VPS45: variants seen among roughly 807,000 people sequenced by gnomAD.
VPS45 encodes vacuolar protein sorting 45 homolog.
VPS45 carries 35 observed loss-of-function variants against 75.9 expected under a neutral mutation model. The ratio of observed to expected loss-of-function variants is 0.46; its 90% CI spans 0.35 to 0.61. VPS45 has a LOEUF of 0.61. VPS45 is among the 20% of genes least tolerant of loss of function. VPS45 has a pLI of 0.00. For missense variants in VPS45, 559 were observed against 685.9 expected (o/e 0.81, Z 2.07); for synonymous variants, 220 against 238.2 (o/e 0.92, Z 0.70).
intron 13 of VPS45, chr1:150,099,212 A>G (rs1461591204): frequency 2.7e-6 from 1 of 373,254 alleles, no homozygotes; most frequent in Non-Finnish European, 3.7e-6. Context: ...AAAATTCTCA[A>G]TAAGGTGGGC....
chr1:150,072,586 G>C (rs1374643571), intron 3 of VPS45, among the ~76,000 whole-genome samples: 2 of 150,980 alleles, frequency 1.3e-5, no homozygotes, highest in South Asian at 2.1e-4. Context: ...GAACCGGAGA[G>C]GCGGAGATTG....
intron 2 of VPS45, among the ~76,000 whole-genome samples, chr1:150,071,294 T>A (rs1655056873): frequency 6.6e-6 from 1 of 152,212 alleles, no homozygotes; most frequent in African/African-American, 2.4e-5. Context: ...CTTTTTTGTT[T>A]TAAACTTTCA....
chr1:150,137,625 T>A (rs938754732), intron 14 of VPS45, among the ~76,000 whole-genome samples: 1 of 152,136 alleles, frequency 6.6e-6, no homozygotes, highest in African/African-American at 2.4e-5. Context: ...CATAGAAATA[T>A]CCTGCTATGC....
At position 150,082,759 on chromosome 1, in the gene VPS45, C is replaced by CA; in HGVS notation, c.980_981insA (p.Val328CysfsTer17). The CA allele has an allele frequency of 6.2e-7, 1 of 1,614,034 alleles. No individual in the cohort carries two copies. The highest frequency in any genetic ancestry group is 1.1e-5 in the South Asian group (1 of 91,060). Reference sequence around the variant, plus strand: ...CCACAGTTCAAGAAAATGTCTGGGACTGTTTCAAAGCATGTGACAGTGGTT... The same window carrying CA: ...CCACAGTTCAAGAAAATGTCTGGGACATGTTTCAAAGCATGTGACAGTGGTT... On this transcript the variant is annotated frameshift_variant, in exon 10 of 15. Coordinates refer to ENST00000644510, the MANE Select transcript of VPS45 (RefSeq NM_007259.5). LOFTEE classifies it high-confidence loss of function.
At chr1:150,120,936 C>T (rs937024270) in intron 14 of VPS45, among the ~76,000 whole-genome samples, 2 of 144,770 alleles carry the variant, frequency 1.4e-5, no homozygotes, top group Non-Finnish European at 3.0e-5. Flanking sequence ...GGCGCGATCT[C>T]GGCTCACTGC....
intron 2 of VPS45, among the ~76,000 whole-genome samples, chr1:150,069,446 CTTAT>C (rs782069242): frequency 1.5e-5 from 2 of 129,326 alleles, no homozygotes; most frequent in Admixed American, 8.4e-5. Flanking sequence ...CTATTTTAAT[CTTAT>C]TTGTTACACT....
chr1:150,144,099 T>C (rs1553816018), intron 14 of VPS45, among the ~76,000 whole-genome samples: 3 of 102,326 alleles, frequency 2.9e-5, no homozygotes, highest in African/African-American at 1.2e-4. Context: ...ATATAATCTG[T>C]ATTTTGTTTT....
At chr1:150,142,797 T>G (rs782062712) in intron 14 of VPS45, 21 of 440,160 alleles carry the variant, frequency 4.8e-5, no homozygotes, top group Non-Finnish European at 9.6e-5. Context: ...CCCAAGTAGC[T>G]GGGACTACAG....
intron 14 of VPS45, among the ~76,000 whole-genome samples, chr1:150,123,553 T>A (rs1309842641): frequency 6.6e-6 from 1 of 152,332 alleles, no homozygotes; most frequent in Non-Finnish European, 1.5e-5. Flanking sequence ...GTTGGTTTTC[T>A]GAAGCACATG....
Position 150,144,756 on chromosome 1 carries a change from A to C in VPS45, c.1673A>C (p.Glu558Ala). The change falls in exon 15 of 15, where the codon GAG (glutamate) becomes GCG (alanine). Residue 558 changes from glutamate to alanine, a missense_variant. Transcript: ENST00000644510. ...LASGLHSRSKESSQVTSRSAS... is the reference protein window; with the variant it reads ...LASGLHSRSKASSQVTSRSAS... The stretch of plus-strand genomic sequence containing the variant: ...TCTGGACTGCACAGCCGAAGCAAGG[A>C]GAGCTCTCAAGTCACATCAAGGTCA... 1 of 1,614,204 alleles carries C rather than the reference A, an allele frequency of 6.2e-7. No individual in the cohort carries two copies. The highest frequency in any genetic ancestry group is 8.5e-7 in the Non-Finnish European group (1 of 1,180,034).
Position 150,093,635 on chromosome 1 carries a change from A to G in VPS45, c.1480A>G (p.Thr494Ala). The G allele has an allele frequency of 6.2e-7, 1 of 1,607,274 alleles. No homozygotes were observed. The highest frequency in any genetic ancestry group is 8.5e-7 in the Non-Finnish European group (1 of 1,178,034). ...CCTATATCCTTATTTAGGCCCCAGC[A>G]CACTCAGAGACAGGTAAGCTAACAA... ...ENLYPYLGPS[T>A]LRDRPQDIIV... is the part of the protein sequence containing the mutation. Residue 494 changes from threonine (T) to alanine (A), a missense_variant, in exon 13 of 15, where the codon ACA (threonine) becomes GCA (alanine). Coordinates refer to ENST00000644510, the MANE Select transcript of VPS45 (RefSeq NM_007259.5).
Position 150,076,980 on chromosome 1 carries a change from G to A in VPS45, c.434G>A (p.Cys145Tyr), listed in dbSNP as rs1655425770. The A allele has an allele frequency of 6.2e-7, 1 of 1,614,022 alleles. No individual in the cohort carries two copies. Among genetic ancestry groups the A allele is most frequent in the Admixed American group, 1.7e-5 (1 of 60,004 alleles). Residue 145 changes from cysteine (C) to tyrosine (Y), a missense_variant, in exon 5 of 15, where the codon TGC (cysteine) becomes TAC (tyrosine). Physicochemically the swap from Cys to Tyr is radical, Grantham distance 194. Transcript: ENST00000644510. ...TTTTCCCTCAATATTTTGGGTTGCT[G>A]CCAGGTATGGAAGGAAAGGTTTAAT... ...HLFSLNILGC[C>Y]QGRNWDPAQL...
intron 14 of VPS45, among the ~76,000 whole-genome samples, chr1:150,113,543 T>C (rs918124295): frequency 1.3e-5 from 2 of 152,216 alleles, no homozygotes; most frequent in Non-Finnish European, 2.9e-5. Context: ...GTATTCATTA[T>C]TATGACTTCT....
intron 13 of VPS45, among the ~76,000 whole-genome samples, chr1:150,100,915 A>G (rs1656943189): frequency 6.6e-6 from 1 of 152,212 alleles, no homozygotes; most frequent in Non-Finnish European, 1.5e-5. Flanking sequence ...TGGACCTAGG[A>G]ACAGGCTAAG....
chr1:150,136,788 A>AG (rs1235718394), intron 14 of VPS45, among the ~76,000 whole-genome samples: 2 of 151,762 alleles, frequency 1.3e-5, no homozygotes, highest in African/African-American at 4.8e-5. Context: ...AAAAAAAAAA[A>AG]AAGGTGTACC....
intron 12 of VPS45, 55 bp from the exon 13 acceptor site, chr1:150,093,472 T>C (rs1033289075): frequency 5.8e-5 from 92 of 1,593,350 alleles, no homozygotes; most frequent in Non-Finnish European, 7.7e-5. Flanking sequence ...TATTATTAAT[T>C]CTTGTGTTGC....
In VPS45 at chr1:150,076,219, C is replaced by T. The variant is rs148026724; in HGVS notation, c.290-14C>T. On this transcript the variant is annotated splice_polypyrimidine_tract_variant and intron_variant, in intron 3 of 14. Transcript: ENST00000644510. ...ATTATCTCCTTTGAGTCAACCCCAA[C>T]TCATGTGTTTCAGATTTCAGTAATG... The T allele has an allele frequency of 2.5e-3, 4,069 of 1,596,676 alleles. 28 individuals carry two copies. The highest frequency in any genetic ancestry group is 0.02 in the Middle Eastern group (119 of 5,992).
At chr1:150,118,645 A>G (rs1553808941) in intron 14 of VPS45, among the ~76,000 whole-genome samples, 1 of 152,146 alleles carries the variant, frequency 6.6e-6, no homozygotes, top group East Asian at 1.9e-4. Flanking sequence ...ACCTCAAGTG[A>G]TCCACCTGCC....
rs1257351462 is a variant in VPS45, at chr1:150,144,810, G to C, written c.*14G>C. ...AGCAGAAGATGAAACGGTGGTTGGG[G>C]GAAGGGCACAGCTTCCTCTCTTGTC... is the stretch of plus-strand genomic sequence containing the variant. On this transcript the variant is annotated 3_prime_UTR_variant, in exon 15 of 15. Coordinates refer to ENST00000644510, the MANE Select transcript of VPS45 (RefSeq NM_007259.5). The C allele has an allele frequency of 2.5e-6, 4 of 1,614,066 alleles. No homozygotes were observed. Among genetic ancestry groups the C allele is most frequent in the Non-Finnish European group, 8.5e-7 (1 of 1,180,032 alleles).
Sources: gnomAD v4.1 joint callset for allele counts (sites outside exome capture counted in the v4.1 genomes callset) on GRCh38, gnomAD v4.1.1 for gene constraint, MANE v1.5 for transcripts, NCBI Gene and HGNC (gene_info 2026-07-23, HGNC 2026-07-21) for gene names.